Variants in ARIH2 observed in about 807,000 individuals in gnomAD.
The protein encoded by ARIH2 is E3 ubiquitin-protein ligase ARIH2.
Under a neutral mutation model 79.8 loss-of-function variants are expected in ARIH2, and 12 were observed. The observed-to-expected ratio is 0.15, with a 90% CI of 0.10 to 0.24. The LOEUF (loss-of-function observed/expected upper bound fraction) is 0.24, where lower values mean the gene tolerates loss of function less well. ARIH2 is among the 10% of genes least tolerant of loss of function. The probability of loss-of-function intolerance (pLI) is 1.00; values close to 1 mark genes in which losing one functional copy is unlikely to be tolerated. For synonymous variants in ARIH2, 224 were observed against 213.9 expected, an observed-to-expected ratio of 1.05 and a Z score of -0.41; for missense variants, 301 against 618.3, an observed-to-expected ratio of 0.49 and a Z score of 5.44.
Position 48,983,368 on chromosome 3 carries a change from C to A in ARIH2, c.*98C>A. ...AGGCTCTGCCTTTCATGACCCCAGGCAACAGCCAGGGCCCCACTCCTGAGA... is the reference window on the plus strand; with the variant it reads ...AGGCTCTGCCTTTCATGACCCCAGGAAACAGCCAGGGCCCCACTCCTGAGA... On this transcript the variant is annotated 3_prime_UTR_variant, in exon 16 of 16. Transcript: ENST00000356401. 8.3e-7 allele frequency: 1 copy of A among 1,205,208 alleles called. No homozygotes were observed. The highest frequency in any genetic ancestry group is 1.2e-6 in the Non-Finnish European group (1 of 816,306). 74.7% of individuals were successfully genotyped at this position (1,205,208 alleles called of 1,614,324 possible).
At chr3:48,949,137 A>T (rs527825318) in intron 3 of ARIH2, 1 of 448,992 alleles carries the variant, frequency 2.2e-6, no homozygotes, top group South Asian at 1.6e-5. Flanking sequence ...TTTATTTTTG[A>T]GACGGAGTCG....
chr3:48,940,808 A>AAATATAT (rs759369585), intron 3 of ARIH2, among the ~76,000 whole-genome samples: 4,552 of 97,710 alleles, frequency 0.047, 188 homozygotes, highest in Non-Finnish European at 0.071. Context: ...AAAAAAAAAA[A>AAATATAT]ATATATATAT....
At chr3:48,960,323 G>GC (rs1372690281) in intron 3 of ARIH2, among the ~76,000 whole-genome samples, 1 of 152,134 alleles carries the variant, frequency 6.6e-6, no homozygotes, top group Non-Finnish European at 1.5e-5. Flanking sequence ...GAAGTGGTAT[G>GC]CACCTGTAGT....
At chr3:48,981,553 A>G (rs2092753007) in intron 13 of ARIH2, 107 bp from the exon 14 acceptor site, 1 of 832,408 alleles carries the variant, frequency 1.2e-6, no homozygotes, top group Non-Finnish European at 2.0e-6. Context: ...CTATATCTAT[A>G]GAGCTGGGCT....
intron 3 of ARIH2, among the ~76,000 whole-genome samples, chr3:48,941,913 T>A (rs1351747169): frequency 6.6e-6 from 1 of 151,424 alleles, no homozygotes; most frequent in Non-Finnish European, 1.5e-5. Context: ...TGAGATGAAG[T>A]CTCATTCTGT....
rs758360856 is a variant in ARIH2 at position 48,918,902 on chromosome 3, C to G, written c.-258C>G. ...GCGGGCTTGACCGGCGTCGGCCCGCCGCCTCCGCTGCCGCTTCGCCCCAAT... is the reference window on the plus strand; with the variant it reads ...GCGGGCTTGACCGGCGTCGGCCCGCGGCCTCCGCTGCCGCTTCGCCCCAAT... On this transcript the variant is annotated 5_prime_UTR_variant, in exon 1 of 16. Transcript: ENST00000356401. 23 of 1,602,240 alleles carry G rather than the reference C, an allele frequency of 1.4e-5. No individual in the cohort carries two copies. The highest frequency in any genetic ancestry group is 2.2e-5 in the East Asian group (1 of 44,634).
At chr3:48,929,856 G>T (rs2086139744) in intron 3 of ARIH2, among the ~76,000 whole-genome samples, 1 of 152,124 alleles carries the variant, frequency 6.6e-6, no homozygotes, top group Non-Finnish European at 1.5e-5. Flanking sequence ...GATACATTTT[G>T]TTTCCTGTTG....
intron 11 of ARIH2, 121 bp downstream of exon 11, chr3:48,975,100 A>T (rs1471949156): frequency 1.3e-6 from 2 of 1,539,632 alleles, no homozygotes; most frequent in Non-Finnish European, 1.8e-6. Flanking sequence ...TCAGTCACTT[A>T]ACAGTCACAG....
chr3:48,930,556 A>G (rs2086233843), intron 3 of ARIH2, among the ~76,000 whole-genome samples: 1 of 152,158 alleles, frequency 6.6e-6, no homozygotes, highest in Non-Finnish European at 1.5e-5. Context: ...TCCTGGCCTC[A>G]AGCCATCTTC....
In ARIH2 at chr3:48,985,369, G is replaced by T. The variant is rs2092878880; in HGVS notation, c.*2099G>T. ...TAACATCATCAGGAAGATGGGAAAG[G>T]TCAGGCAGAATTTTTCTGCCCTACA... On this transcript the variant is annotated 3_prime_UTR_variant, in exon 16 of 16. Transcript: ENST00000356401. The T allele has an allele frequency of 6.6e-6, 1 of 152,192 alleles. No individual in the cohort carries two copies. Among genetic ancestry groups the T allele is most frequent in the Admixed American group, 6.5e-5 (1 of 15,284 alleles). The allele number at this position is 152,192 out of a possible 1,614,324, so 9.4% of individuals were successfully genotyped here.
intron 3 of ARIH2, among the ~76,000 whole-genome samples, chr3:48,928,953 A>G (rs972819740): frequency 6.6e-6 from 1 of 152,132 alleles, no homozygotes; most frequent in Non-Finnish European, 1.5e-5. Flanking sequence ...CACTATGGCT[A>G]TAACAAAGCT....
intron 3 of ARIH2, among the ~76,000 whole-genome samples, chr3:48,941,475 T>A (rs556832405): frequency 2.4e-4 from 37 of 152,276 alleles, no homozygotes; most frequent in Middle Eastern, 3.4e-3. Flanking sequence ...GGAAAAGATT[T>A]CTCCTGGATA....
intron 12 of ARIH2, chr3:48,980,117 C>G: frequency 2.5e-6 from 1 of 392,646 alleles, no homozygotes; most frequent in South Asian, 4.0e-5. Flanking sequence ...TTGCAGAGTC[C>G]TCAGGGCTCG....
chr3:48,954,084 C>G (rs1275480692), intron 3 of ARIH2, among the ~76,000 whole-genome samples: 1 of 151,958 alleles, frequency 6.6e-6, no homozygotes, highest in African/African-American at 2.4e-5. Flanking sequence ...TCGCTTGAAC[C>G]TGGGAGGCGG....
In ARIH2 at chr3:48,973,534, G is replaced by A. The variant is rs139822799; in HGVS notation, c.771-165G>A. 8.8e-4 allele frequency: 438 copies of A among 499,442 alleles called. 5 individuals carry two copies. In the East Asian group the frequency reaches 0.012, roughly 14 times the overall value. 30.9% of individuals were successfully genotyped at this position (499,442 alleles called of 1,614,324 possible). ...AGAGCTTGCAGTGAACCGAGATCAC[G>A]CCACTACACTCCAGCCTGGCGACAG... On this transcript the variant is annotated intron_variant, in intron 8 of 15. Transcript: ENST00000356401.
At chr3:48,940,808 A>AAATAT (rs759369585) in intron 3 of ARIH2, among the ~76,000 whole-genome samples, 12,282 of 97,484 alleles carry the variant, frequency 0.13, 1,280 homozygotes, top group Non-Finnish European at 0.18. Context: ...AAAAAAAAAA[A>AAATAT]ATATATATAT....
At chr3:48,937,163 C>G (rs1440862605) in intron 3 of ARIH2, among the ~76,000 whole-genome samples, 3 of 152,192 alleles carry the variant, frequency 2.0e-5, no homozygotes, top group African/African-American at 7.2e-5. Context: ...TAATTGTGAA[C>G]AAAATGTGGT....
intron 3 of ARIH2, among the ~76,000 whole-genome samples, chr3:48,933,291 C>A: frequency 7.2e-6 from 1 of 138,076 alleles, no homozygotes; most frequent in Non-Finnish European, 1.5e-5. Context: ...TGTGTGTGAT[C>A]ACAGGTGCGC....
At chr3:48,975,307 CTG>C (rs996350501) in intron 11 of ARIH2, among the ~76,000 whole-genome samples, 2 of 152,188 alleles carry the variant, frequency 1.3e-5, no homozygotes, top group African/African-American at 2.4e-5. Context: ...TGGGGCTTAT[CTG>C]TGCTACGTTG....
Sources: allele counts gnomAD v4.1 joint callset (sites outside exome capture counted in the v4.1 genomes callset), GRCh38; gene constraint gnomAD v4.1.1; transcripts MANE v1.5; gene names NCBI Gene and HGNC (gene_info 2026-07-23, HGNC 2026-07-21).